GREM2: variants seen among roughly 807,000 people sequenced by gnomAD.
The protein encoded by GREM2 is gremlin 2, DAN family BMP antagonist, also known as gremlin-2.
GREM2 carries 11 observed loss-of-function variants against 14.2 expected under a neutral mutation model. The observed-to-expected ratio is 0.78, with a 90% confidence interval of 0.49 to 1.28. The LOEUF (loss-of-function observed/expected upper bound fraction) is 1.28. GREM2 is among the 50% of genes most tolerant of loss of function. GREM2 has a pLI of 0.00. For synonymous variants in GREM2, 98 were observed against 97.6 expected, an observed-to-expected ratio of 1.00 and a Z score of -0.02; for missense variants, 210 against 218.5, an observed-to-expected ratio of 0.96 and a Z score of 0.24.
chr1:240,513,401 C>T (rs1223341429), intron 1 of GREM2, among the ~76,000 whole-genome samples: 4 of 152,022 alleles, frequency 2.6e-5, no homozygotes, highest in African/African-American at 9.6e-5. Context: ...AAGGTGAAAC[C>T]CCATCTCTAC....
intron 1 of GREM2, among the ~76,000 whole-genome samples, chr1:240,510,073 A>C (rs937457439): frequency 6.6e-6 from 1 of 152,120 alleles, no homozygotes; most frequent in Non-Finnish European, 1.5e-5. Context: ...ATCGCTCTTT[A>C]AAAAGCAAAT....
In GREM2 at chr1:240,543,216, T is replaced by C. The variant is rs139619172; in HGVS notation, c.-1-49740A>G. The stretch of plus-strand genomic sequence containing the variant: ...ACTGCTCTACGGCCTAGGACAGTAA[T>C]CAGAGAAAATGCACTGTAAAATGTG... On this transcript the variant is annotated intron_variant, in intron 1 of 1. Coordinates refer to ENST00000318160, the MANE Select transcript of GREM2 (RefSeq NM_022469.4). This position sits in a 1 kb window ranked among gnomAD's most constrained non-coding sequence, Gnocchi z 6.4. Among the ~76,000 whole-genome samples the C allele has an allele frequency of 5.7e-3, 872 of 152,314 alleles. 11 individuals are homozygous for C. The highest frequency in any genetic ancestry group is 0.02 in the African/African-American group (834 of 41,560).
chr1:240,498,693 C>A lies in GREM2; in HGVS notation c.-1-5217G>T, dbSNP rs376187095. Among the ~76,000 whole-genome samples the A allele has an allele frequency of 2.6e-5, 4 of 152,346 alleles. No homozygotes were observed. The East Asian group carries it at 5.8e-4, about 22-fold the overall frequency. On this transcript the variant is annotated intron_variant, in intron 1 of 1. Transcript: ENST00000318160. ...TAGAAAGTCCCACTCTGTCCTGAAC[C>A]ACTTTGCTAATCAGAAAAATGGTTG...
chr1:240,543,506 G>A lies in GREM2; in HGVS notation c.-1-50030C>T, dbSNP rs181545753. On this transcript the variant is annotated intron_variant, in intron 1 of 1. Coordinates refer to ENST00000318160, the MANE Select transcript of GREM2 (RefSeq NM_022469.4). The surrounding 1 kb of genome is among the most constrained non-coding windows in gnomAD (Gnocchi z 6.4). ...CCATGATAACAGTAGGGGGGAAACC[G>A]CCCTTGTGATTCAATTATTTCCACC... Among the ~76,000 whole-genome samples the A allele has an allele frequency of 2.6e-3, 394 of 152,186 alleles. No homozygotes were observed. Among genetic ancestry groups the A allele is most frequent in the Non-Finnish European group, 4.2e-3 (284 of 68,010 alleles).
chr1:240,606,318 T>C (rs1251171119), intron 1 of GREM2, among the ~76,000 whole-genome samples: 2 of 152,192 alleles, frequency 1.3e-5, no homozygotes, highest in Admixed American at 6.5e-5. Context: ...CAAGGAAGAC[T>C]AAAACCATAT....
At chr1:240,534,787 A>G (rs899555405) in intron 1 of GREM2, among the ~76,000 whole-genome samples, 2 of 152,154 alleles carry the variant, frequency 1.3e-5, no homozygotes, top group Non-Finnish European at 2.9e-5. Flanking sequence ...GGCTACTGCA[A>G]TCACCCTGGT....
intron 1 of GREM2, among the ~76,000 whole-genome samples, chr1:240,582,317 C>A (rs1679499834): frequency 6.6e-6 from 1 of 151,982 alleles, no homozygotes; most frequent in African/African-American, 2.4e-5. Context: ...TGCCTGTAAA[C>A]CCAACTATTC....
chr1:240,596,670 C>T (rs1329126058), intron 1 of GREM2, among the ~76,000 whole-genome samples: 1 of 151,250 alleles, frequency 6.6e-6, no homozygotes, highest in African/African-American at 2.4e-5. Context: ...GCACTCCAGC[C>T]TGGGCAACAA....
Position 240,492,472 on chromosome 1 carries a change from C to A in GREM2, c.*497G>T. 5.2e-6 allele frequency: 1 copy of A among 192,674 alleles called. No homozygotes were observed. The highest frequency in any genetic ancestry group is 1.1e-5 in the Non-Finnish European group (1 of 88,990). 11.9% of individuals were successfully genotyped at this position (192,674 alleles called of 1,614,324 possible). On this transcript the variant is annotated 3_prime_UTR_variant, in exon 2 of 2. Transcript: ENST00000318160. ...ACAGCAGCGACCGAGGGCAGCCTGC[C>A]AGTCACAAGAATGAGCGCTCCCAGC...
intron 1 of GREM2, among the ~76,000 whole-genome samples, chr1:240,501,545 G>T (rs1046561594): frequency 6.6e-6 from 1 of 152,168 alleles, no homozygotes; most frequent in Non-Finnish European, 1.5e-5. Context: ...ATAAATTCAG[G>T]ATAGGAAATG....
intron 1 of GREM2, among the ~76,000 whole-genome samples, chr1:240,593,595 C>T (rs895108032): frequency 2.0e-5 from 3 of 152,150 alleles, no homozygotes; most frequent in African/African-American, 7.2e-5. Context: ...GGAAAGTTCT[C>T]AATAAAAGTT....
At chr1:240,507,707 A>G (rs1166705314) in intron 1 of GREM2, among the ~76,000 whole-genome samples, 1 of 150,072 alleles carries the variant, frequency 6.7e-6, no homozygotes, top group Non-Finnish European at 1.5e-5. Flanking sequence ...CAAAGGCTAT[A>G]AGAAGGCAGA....
Position 240,489,687 on chromosome 1 carries a change from A to G in GREM2, c.*3282T>C, listed in dbSNP as rs1677203993. On this transcript the variant is annotated 3_prime_UTR_variant, in exon 2 of 2. Coordinates refer to ENST00000318160, the MANE Select transcript of GREM2 (RefSeq NM_022469.4). The stretch of plus-strand genomic sequence containing the variant: ...TTGATGACTTGGTCTTATTGTTATC[A>G]TTCATGCAGACATTAATAATCAGTG... The G allele has an allele frequency of 6.6e-6, 1 of 152,252 alleles. No individual in the cohort carries two copies. The highest frequency in any genetic ancestry group is 6.5e-5 in the Admixed American group (1 of 15,282). The allele number at this position is 152,252 out of a possible 1,614,324, so 9.4% of individuals were successfully genotyped here.
intron 1 of GREM2, among the ~76,000 whole-genome samples, chr1:240,511,171 T>C (rs542007264): frequency 6.6e-6 from 1 of 152,326 alleles, no homozygotes; most frequent in South Asian, 2.1e-4. Context: ...CATTAGTTTC[T>C]CACTAACAGA....
At chr1:240,572,753 C>G (rs992789980) in intron 1 of GREM2, among the ~76,000 whole-genome samples, 2 of 152,130 alleles carry the variant, frequency 1.3e-5, no homozygotes, top group African/African-American at 4.8e-5. Context: ...ATATTTCAGT[C>G]AAGCAGTTGA....
chr1:240,506,680 T>C (rs1305025062), intron 1 of GREM2, among the ~76,000 whole-genome samples: 1 of 152,230 alleles, frequency 6.6e-6, no homozygotes, highest in Non-Finnish European at 1.5e-5. Context: ...GCACTTTTGT[T>C]AAAGTTGTGC....
At chr1:240,580,345 T>C (rs1458394517) in intron 1 of GREM2, among the ~76,000 whole-genome samples, 4 of 152,230 alleles carry the variant, frequency 2.6e-5, no homozygotes, top group Admixed American at 1.3e-4. Context: ...TAAATTTCTG[T>C]TCTTAACCAG....
In GREM2 at chr1:240,540,615, T is replaced by C. The variant is rs1678564361; in HGVS notation, c.-1-47139A>G. On this transcript the variant is annotated intron_variant, in intron 1 of 1. Transcript: ENST00000318160. This position sits in a 1 kb window ranked among gnomAD's most constrained non-coding sequence, Gnocchi z 4.2. ...GTCTCACTCTGTCGCCAGTTTGGAG[T>C]GCAGTGGCACGATGTAGACTTACAG... 6.6e-6 allele frequency among the ~76,000 whole-genome samples: 1 copy of C among 151,056 alleles called. No homozygotes were observed.
chr1:240,515,624 C>A (rs1370654621), intron 1 of GREM2, among the ~76,000 whole-genome samples: 1 of 152,102 alleles, frequency 6.6e-6, no homozygotes, highest in African/African-American at 2.4e-5. Flanking sequence ...ATACTTAACC[C>A]AAGTACTAGC....
Sources: gnomAD v4.1 joint callset for allele counts (sites outside exome capture counted in the v4.1 genomes callset) on GRCh38, gnomAD v4.1.1 for gene constraint, Gnocchi (gnomAD v3.1) non-coding constraint, MANE v1.5 for transcripts, NCBI Gene and HGNC (gene_info 2026-07-23, HGNC 2026-07-21) for gene names.